Variants in PEX3 observed in about 807,000 individuals in gnomAD.
PEX3 encodes the protein peroxisomal biogenesis factor 3.
A neutral mutation model predicts 55.8 loss-of-function variants in PEX3; 30 were observed. The observed-to-expected ratio is 0.54, with a 90% CI of 0.40 to 0.73. The LOEUF (loss-of-function observed/expected upper bound fraction) is 0.73. Among genes scored for constraint, PEX3 ranks in the 30% least tolerant of loss-of-function variants. The pLI is 0.00. For missense variants in PEX3, 351 were observed against 432.8 expected, an observed-to-expected ratio of 0.81 and a Z score of 1.68; for synonymous variants, 135 against 148.4, an observed-to-expected ratio of 0.91 and a Z score of 0.66.
chr6:143,459,062 T>C lies in PEX3; in HGVS notation c.74-23T>C. The stretch of plus-strand genomic sequence containing the variant: ...AGAATTTTTGGTACTCTAATGAATA[T>C]AGTACTTTTTTAATGATTGTAGGAG... On this transcript the variant is annotated intron_variant, in intron 1 of 11. Transcript: ENST00000367591. This position sits in a 1 kb window ranked among gnomAD's most constrained non-coding sequence, Gnocchi z 4.2. 2.7e-6 allele frequency: 4 copies of C among 1,502,998 alleles called. No homozygotes were observed. The highest frequency in any genetic ancestry group is 3.7e-6 in the Non-Finnish European group (4 of 1,079,478). 93.1% of individuals were successfully genotyped at this position (1,502,998 alleles called of 1,614,324 possible). A position where few individuals can be genotyped will look rare whatever the true frequency, so the allele number is the denominator to read the frequency against.
intron 10 of PEX3, 197 bp from the exon 11 acceptor site, chr6:143,484,955 A>C: frequency 1.8e-6 from 1 of 553,744 alleles, no homozygotes; most frequent in Non-Finnish European, 3.2e-6. Flanking sequence ...AGATATGTGT[A>C]AAAAAACGCC....
rs118145502 is a variant in PEX3 at position 143,489,990 on chromosome 6, A to G, written c.*764A>G. 9 of 152,308 alleles carry G rather than the reference A, an allele frequency of 5.9e-5. No individual in the cohort carries two copies. The East Asian group carries it at 1.7e-3, about 29-fold the overall frequency. The allele number at this position is 152,308 out of a possible 1,614,324, so 9.4% of individuals were successfully genotyped here. On this transcript the variant is annotated 3_prime_UTR_variant, in exon 12 of 12. Transcript: ENST00000367591. The surrounding 1 kb of genome is among the most constrained non-coding windows in gnomAD (Gnocchi z 5.5). ...TGAATACAGTGAAAATCTTATTGCA[A>G]TAAACTATTTTAGTAAAATATTATT...
chr6:143,468,490 G>A (rs1478855598), intron 4 of PEX3, among the ~76,000 whole-genome samples: 8 of 152,026 alleles, frequency 5.3e-5, no homozygotes, highest in Non-Finnish European at 1.2e-4. Context: ...CTTTGATATT[G>A]TATTGTAAAT....
rs769768128 is a variant in PEX3 at position 143,479,141 on chromosome 6, T to C, written c.884T>C (p.Met295Thr). 1.1e-5 allele frequency: 18 copies of C among 1,598,626 alleles called. No homozygotes were observed. Among genetic ancestry groups the C allele is most frequent in the Non-Finnish European group, 1.5e-5 (18 of 1,166,174 alleles). ...GGTTTTAGTAGACTTCTAGACAATA[T>C]GGCTGAGTTCTTTCGACCTACTGAA... ...NRGFSRLLDN[M>T]AEFFRPTEQD... The change falls in exon 10 of 12, where the codon ATG becomes ACG. Residue 295 changes from methionine (M) to threonine (T), a missense_variant. Transcript: ENST00000367591. The surrounding 1 kb of genome is among the most constrained non-coding windows in gnomAD (Gnocchi z 4.6).
rs1057523689 is a variant in PEX3 at position 143,485,201 on chromosome 6, G to A, written c.991G>A (p.Gly331Arg). Reference protein sequence around the residue: ...PLAKIIPIVNGQIHSVCSETP... With the variant: ...PLAKIIPIVNRQIHSVCSETP... Reference sequence around the variant, plus strand: ...AGCTAAGATAATTCCAATAGTAAACGGACAGATCCATTCAGTTTGCAGTGA... The same window carrying A: ...AGCTAAGATAATTCCAATAGTAAACAGACAGATCCATTCAGTTTGCAGTGA... Residue 331 changes from glycine to arginine, a missense_variant, in exon 11 of 12, where the codon GGA becomes AGA. By Grantham distance (125) the Gly-to-Arg change is moderately radical. Transcript: ENST00000367591. The surrounding 1 kb of genome is among the most constrained non-coding windows in gnomAD (Gnocchi z 5.6). The A allele has an allele frequency of 4.4e-6, 7 of 1,607,402 alleles. No individual in the cohort carries two copies. The highest frequency in any genetic ancestry group is 6.0e-6 in the Non-Finnish European group (7 of 1,174,234).
At chr6:143,472,117 G>T in intron 7 of PEX3, 43 bp from the exon 8 acceptor site, 1 of 1,317,996 alleles carries the variant, frequency 7.6e-7, no homozygotes, top group Non-Finnish European at 1.1e-6. Flanking sequence ...AGGATGTGTT[G>T]TATAGTTTCT....
At chr6:143,474,959 T>C in intron 9 of PEX3, 103 bp downstream of exon 9, 1 of 624,368 alleles carries the variant, frequency 1.6e-6, no homozygotes, top group Non-Finnish European at 2.8e-6. Context: ...TAATATTATA[T>C]TAAAATTAAA....
Position 143,462,597 on chromosome 6 carries a change from T to C in PEX3, c.206-319T>C, listed in dbSNP as rs1779937266. On this transcript the variant is annotated intron_variant, in intron 2 of 11. Transcript: ENST00000367591. This position sits in a 1 kb window ranked among gnomAD's most constrained non-coding sequence, Gnocchi z 4.1. ...GAGTATGGAAAAGAAAAAAAAGGAATTGTTCATAATCCATAGCTCAAAGAC... is the reference window on the plus strand; with the variant it reads ...GAGTATGGAAAAGAAAAAAAAGGAACTGTTCATAATCCATAGCTCAAAGAC... Among the ~76,000 whole-genome samples the C allele has an allele frequency of 6.6e-6, 1 of 152,164 alleles. No homozygotes were observed. The highest frequency in any genetic ancestry group is 2.1e-4 in the South Asian group (1 of 4,828).
chr6:143,484,913 G>T, intron 10 of PEX3: 1 of 482,448 alleles, frequency 2.1e-6, no homozygotes, highest in East Asian at 4.0e-5. Flanking sequence ...TGCTTAGGAG[G>T]TTAGAGGTTT....
At chr6:143,461,068 C>T (rs1181129624) in intron 2 of PEX3, among the ~76,000 whole-genome samples, 3 of 151,908 alleles carry the variant, frequency 2.0e-5, no homozygotes, top group Admixed American at 1.3e-4. Flanking sequence ...GCATTTAGGC[C>T]ACAGTGCAGG....
rs1201440976 is a variant in PEX3 at position 143,488,355 on chromosome 6, A to T, written c.1039-788A>T. 1.3e-5 allele frequency among the ~76,000 whole-genome samples: 2 copies of T among 152,166 alleles called. No homozygotes were observed. The highest frequency in any genetic ancestry group is 2.9e-5 in the Non-Finnish European group (2 of 68,000). On this transcript the variant is annotated intron_variant, in intron 11 of 11. Transcript: ENST00000367591. This position sits in a 1 kb window ranked among gnomAD's most constrained non-coding sequence, Gnocchi z 4.9. The stretch of plus-strand genomic sequence containing the variant: ...ATAAGTGCATACAATAAAATACATA[A>T]TATTATAAAGGAAACCAATCATATA...
At position 143,483,510 on chromosome 6, in the gene PEX3, A is replaced by G. The variant is rs533724687; in HGVS notation, c.942-1642A>G. The stretch of plus-strand genomic sequence containing the variant: ...TTTTGAAGCCACCTAAGTACATTTT[A>G]AGACTTATAAAGAGGCTGGCATGGT... On this transcript the variant is annotated intron_variant, in intron 10 of 11. Transcript: ENST00000367591. This position sits in a 1 kb window ranked among gnomAD's most constrained non-coding sequence, Gnocchi z 4.3. 3.9e-5 allele frequency among the ~76,000 whole-genome samples: 6 copies of G among 152,246 alleles called. No individual in the cohort carries two copies. Among genetic ancestry groups the G allele is most frequent in the Non-Finnish European group, 8.8e-5 (6 of 68,002 alleles).
At chr6:143,460,617 C>G (rs1779904234) in intron 2 of PEX3, among the ~76,000 whole-genome samples, 1 of 152,118 alleles carries the variant, frequency 6.6e-6, no homozygotes, top group Non-Finnish European at 1.5e-5. Context: ...GTAATCCCAG[C>G]ACTTTGGGAG....
intron 10 of PEX3, among the ~76,000 whole-genome samples, chr6:143,481,765 C>G (rs1240746201): frequency 6.6e-6 from 1 of 151,386 alleles, no homozygotes; most frequent in East Asian, 1.9e-4. Flanking sequence ...CTTCTGTAAT[C>G]CTGATGCTTT....
At position 143,459,966 on chromosome 6, in the gene PEX3, A is replaced by C. The variant is rs963656527; in HGVS notation, c.205+750A>C. On this transcript the variant is annotated intron_variant, in intron 2 of 11. Coordinates refer to ENST00000367591, the MANE Select transcript of PEX3 (RefSeq NM_003630.3). This position sits in a 1 kb window ranked among gnomAD's most constrained non-coding sequence, Gnocchi z 4.2. ...CTGGGAGAATGCCATCACAAAATCA[A>C]CCTGCCCATATTTGAAGAGAACAGT... Among the ~76,000 whole-genome samples the C allele has an allele frequency of 1.1e-4, 16 of 152,198 alleles. No homozygotes were observed. Among genetic ancestry groups the C allele is most frequent in the African/African-American group, 3.6e-4 (15 of 41,452 alleles).
At chr6:143,455,293 C>A (rs1779829788) in intron 1 of PEX3, among the ~76,000 whole-genome samples, 1 of 151,250 alleles carries the variant, frequency 6.6e-6, no homozygotes, top group Admixed American at 6.6e-5. Flanking sequence ...CCTGGGTTCA[C>A]GCCATTCTCC....
chr6:143,484,651 T>C (rs935831548), intron 10 of PEX3, among the ~76,000 whole-genome samples: 5 of 152,072 alleles, frequency 3.3e-5, no homozygotes, highest in Admixed American at 2.0e-4. Context: ...ATGTTGGATG[T>C]TGAAAGAAGG....
At chr6:143,460,864 C>CAA (rs57329535) in intron 2 of PEX3, among the ~76,000 whole-genome samples, 34 of 76,158 alleles carry the variant, frequency 4.5e-4, no homozygotes, top group African/African-American at 1.1e-3. Context: ...AACTCTGTCT[C>CAA]AAAAAAAAAA....
chr6:143,472,362 T>A (rs564647734), intron 8 of PEX3, 34 bp downstream of exon 8: 1 of 1,481,852 alleles, frequency 6.7e-7, no homozygotes, highest in Non-Finnish European at 9.4e-7. Context: ...CCAAACCAGT[T>A]ACTCTATTCT....
Sources: gnomAD v4.1 joint callset for allele counts (sites outside exome capture counted in the v4.1 genomes callset) on GRCh38, gnomAD v4.1.1 for gene constraint, Gnocchi (gnomAD v3.1) non-coding constraint, MANE v1.5 for transcripts, NCBI Gene and HGNC (gene_info 2026-07-23, HGNC 2026-07-21) for gene names.